The following ADAMTSL1 variants were observed in gnomAD, a reference collection of about 807,000 sequenced individuals.
ADAMTSL1 encodes the protein ADAMTS like 1, also known as ADAMTS-like protein 1.
ADAMTSL1 carries 126 observed loss-of-function variants against 201.8 expected under a neutral mutation model. The ratio of observed to expected loss-of-function variants is 0.62; its 90% CI spans 0.54 to 0.72. ADAMTSL1 has a LOEUF of 0.72. ADAMTSL1 is among the 30% of genes least tolerant of loss of function. The pLI is 0.00. For synonymous variants in ADAMTSL1, 1,121 were observed against 903.4 expected, an observed-to-expected ratio of 1.24 and a Z score of -4.32; for missense variants, 2,679 against 2,277.8, an observed-to-expected ratio of 1.18 and a Z score of -3.59.
intron 9 of ADAMTSL1, among the ~76,000 whole-genome samples, chr9:18,675,361 G>C (rs1395633434): frequency 6.6e-6 from 1 of 152,110 alleles, no homozygotes; most frequent in Non-Finnish European, 1.5e-5. Context: ...GCCAAGAGAA[G>C]AAACCTAGCT....
At chr9:17,927,281 T>C (rs1235078839) in intron 1 of ADAMTSL1, among the ~76,000 whole-genome samples, 2 of 152,232 alleles carry the variant, frequency 1.3e-5, no homozygotes, top group African/African-American at 4.8e-5. Context: ...TGCATGAATG[T>C]ATATGTACAT....
At chr9:18,096,535 A>T (rs1234489814) in intron 1 of ADAMTSL1, among the ~76,000 whole-genome samples, 1 of 152,226 alleles carries the variant, frequency 6.6e-6, no homozygotes, top group Non-Finnish European at 1.5e-5. Context: ...CATATTGGAT[A>T]GTGCACTTCA....
At chr9:18,639,571 T>C (rs1003777823) in intron 7 of ADAMTSL1, among the ~76,000 whole-genome samples, 160 bp downstream of exon 7, 4 of 152,086 alleles carry the variant, frequency 2.6e-5, no homozygotes, top group African/African-American at 7.2e-5. Flanking sequence ...AGCTGCATCC[T>C]GGACCTTATG....
At chr9:18,495,527 A>G (rs12000950) in intron 1 of ADAMTSL1, among the ~76,000 whole-genome samples, 5,745 of 152,286 alleles carry the variant, frequency 0.038, 349 homozygotes, top group African/African-American at 0.13. Flanking sequence ...ATAATGGGAA[A>G]GTATGACCAG....
chr9:18,843,721 G>A (rs1057165337), intron 23 of ADAMTSL1, among the ~76,000 whole-genome samples: 2 of 150,818 alleles, frequency 1.3e-5, no homozygotes, highest in Non-Finnish European at 2.9e-5. Context: ...TTTCTTGGAG[G>A]CTTTGTTCAT....
intron 1 of ADAMTSL1, among the ~76,000 whole-genome samples, chr9:17,939,974 CAG>C (rs773953274): frequency 1.4e-4 from 22 of 151,992 alleles, no homozygotes; most frequent in Middle Eastern, 6.8e-3. Flanking sequence ...TAGGGAGAAC[CAG>C]AGTGTTGGTA....
chr9:18,840,698 C>G (rs186588207), intron 23 of ADAMTSL1, among the ~76,000 whole-genome samples: 32 of 151,584 alleles, frequency 2.1e-4, no homozygotes, highest in African/African-American at 7.7e-4. Flanking sequence ...TGTTTGTATC[C>G]TCTTTTATTT....
chr9:18,819,148 T>G (rs1824045597), intron 21 of ADAMTSL1, among the ~76,000 whole-genome samples: 1 of 152,074 alleles, frequency 6.6e-6, no homozygotes, highest in Admixed American at 6.6e-5. Context: ...GAGGTGGAAC[T>G]GGTAGGAGTA....
At chr9:17,960,215 T>A (rs1356094630) in intron 1 of ADAMTSL1, among the ~76,000 whole-genome samples, 1 of 152,090 alleles carries the variant, frequency 6.6e-6, no homozygotes, top group Non-Finnish European at 1.5e-5. Context: ...AGGGACAAAG[T>A]GATAAAGGAG....
chr9:18,553,713 A>C (rs1587543381), intron 3 of ADAMTSL1, among the ~76,000 whole-genome samples: 1 of 151,824 alleles, frequency 6.6e-6, no homozygotes, highest in Non-Finnish European at 1.5e-5. Context: ...CTACGTTGAC[A>C]GTTATCTTGT....
chr9:18,002,440 T>C (rs1371471214), intron 1 of ADAMTSL1, among the ~76,000 whole-genome samples: 1 of 152,036 alleles, frequency 6.6e-6, no homozygotes, highest in Non-Finnish European at 1.5e-5. Flanking sequence ...ATAGATAGTG[T>C]AATATATGTA....
intron 2 of ADAMTSL1, among the ~76,000 whole-genome samples, chr9:18,531,343 T>C (rs371760850): frequency 1.3e-5 from 2 of 152,182 alleles, no homozygotes; most frequent in Non-Finnish European, 2.9e-5. Flanking sequence ...ATCAGTAAGG[T>C]CAGCATGAGT....
At chr9:18,536,276 G>A (rs17209283) in intron 3 of ADAMTSL1, among the ~76,000 whole-genome samples, 1,689 of 152,114 alleles carry the variant, frequency 0.011, 17 homozygotes, top group South Asian at 0.03. Context: ...AAATCTCCAC[G>A]GTCATCTTTA....
At chr9:18,317,775 C>G (rs1437744666) in intron 2 of ADAMTSL1, among the ~76,000 whole-genome samples, 1 of 152,164 alleles carries the variant, frequency 6.6e-6, no homozygotes, top group Non-Finnish European at 1.5e-5. Flanking sequence ...AGCAATGTTT[C>G]CATCAAAACA....
At chr9:17,933,430 G>A (rs1826878046) in intron 1 of ADAMTSL1, among the ~76,000 whole-genome samples, 1 of 152,102 alleles carries the variant, frequency 6.6e-6, no homozygotes, top group Non-Finnish European at 1.5e-5. Context: ...GATAGGGCAG[G>A]GCATATTTTT....
At chr9:18,487,025 C>T (rs960607928) in intron 1 of ADAMTSL1, among the ~76,000 whole-genome samples, 2 of 152,102 alleles carry the variant, frequency 1.3e-5, no homozygotes, top group Admixed American at 6.6e-5. Context: ...GCTAAAAATG[C>T]CGGTAAAAGA....
intron 1 of ADAMTSL1, among the ~76,000 whole-genome samples, chr9:18,134,737 T>C (rs1826088145): frequency 6.6e-6 from 1 of 152,204 alleles, no homozygotes; most frequent in South Asian, 2.1e-4. Flanking sequence ...ATGAATTCAC[T>C]GGAGAAGTGA....
At chr9:17,977,110 A>T (rs1818485324) in intron 1 of ADAMTSL1, among the ~76,000 whole-genome samples, 2 of 151,974 alleles carry the variant, frequency 1.3e-5, no homozygotes, top group South Asian at 4.2e-4. Context: ...CATTCTGTTA[A>T]TGGGGTGTAT....
chr9:18,292,865 T>G (rs1437369119), intron 2 of ADAMTSL1, among the ~76,000 whole-genome samples: 1 of 152,328 alleles, frequency 6.6e-6, no homozygotes, highest in Non-Finnish European at 1.5e-5. Context: ...TAACCTATCA[T>G]GGGATTACCT....
Sources: gnomAD v4.1 joint callset for allele counts (sites outside exome capture counted in the v4.1 genomes callset) on GRCh38, gnomAD v4.1.1 for gene constraint, MANE v1.5 for transcripts, NCBI Gene and HGNC (gene_info 2026-07-23, HGNC 2026-07-21) for gene names.